Variants in GGPS1 observed in about 807,000 individuals in gnomAD.
The protein encoded by GGPS1 is geranylgeranyl pyrophosphate synthase.
In GGPS1, 15 loss-of-function variants were observed where a neutral mutation model predicts 28.1. That is an observed-to-expected ratio of 0.53 (90% CI 0.36 to 0.82). The LOEUF is 0.82. GGPS1 is among the 40% of genes least tolerant of loss of function. The pLI is 0.01. For missense variants in GGPS1, 284 were observed against 348.3 expected, an observed-to-expected ratio of 0.82 and a Z score of 1.47; for synonymous variants, 138 against 122.4, an observed-to-expected ratio of 1.13 and a Z score of -0.84.
chr1:235,340,363 G>A (rs566340695), intron 2 of GGPS1, among the ~76,000 whole-genome samples: 2 of 151,900 alleles, frequency 1.3e-5, no homozygotes, highest in African/African-American at 2.4e-5. Flanking sequence ...CCAGCTACTC[G>A]GGAGGCTGAG....
Position 235,342,550 on chromosome 1 carries a change from C to T in GGPS1, c.681C>T (p.Ser227=). Residue 227 remains serine, a synonymous_variant, in exon 4 of 4, where the codon AGC becomes AGT. Coordinates refer to ENST00000282841, the MANE Select transcript of GGPS1 (RefSeq NM_004837.4). ...ATGCTATTTGGTCAAGGCCTGAAAG[C>T]ACCCAGGTGCAGAATATCTTGCGCC... ...TIHAIWSRPE[S]TQVQNILRQR... 3 of 1,611,478 alleles carry T rather than the reference C, an allele frequency of 1.9e-6. No homozygotes were observed. The highest frequency in any genetic ancestry group is 1.1e-5 in the South Asian group (1 of 91,034).
intron 2 of GGPS1, among the ~76,000 whole-genome samples, chr1:235,335,586 G>A (rs1044356706): frequency 1.3e-5 from 2 of 152,060 alleles, no homozygotes; most frequent in Non-Finnish European, 2.9e-5. Context: ...TTGAGCCCAG[G>A]AGTTTAAGGC....
At chr1:235,340,307 T>C (rs1034995021) in intron 2 of GGPS1, among the ~76,000 whole-genome samples, 2 of 151,896 alleles carry the variant, frequency 1.3e-5, no homozygotes, top group African/African-American at 4.8e-5. Context: ...ACACTGTCTC[T>C]ACAAAAACAA....
chr1:235,328,394 G>C (rs1194620910), upstream of GGPS1: 3 of 152,254 alleles, frequency 2.0e-5, no homozygotes, highest in Admixed American at 6.5e-5. Flanking sequence ...AGAAAGTTAC[G>C]CCTCAAGGCT....
chr1:235,336,774 A>G (rs183199445), intron 2 of GGPS1: 67 of 152,474 alleles, frequency 4.4e-4, no homozygotes, highest in African/African-American at 1.5e-3. Flanking sequence ...TCCGTGCTAA[A>G]GTACACACCT....
intron 1 of GGPS1, chr1:235,329,540 A>C (rs1036520585): frequency 1.3e-5 from 2 of 152,326 alleles, no homozygotes; most frequent in Non-Finnish European, 2.9e-5. Context: ...AAGGGCTAGC[A>C]GGAGTTAACT....
chr1:235,342,477 G>C lies in GGPS1; in HGVS notation c.608G>C (p.Ser203Thr). ...TCCAAAGAATATAGTGAAAACAAAA[G>C]TTTTTGTGAAGATCTGACAGAGGGA... The part of the protein sequence containing the change: ...LHSKEYSENK[S>T]FCEDLTEGKF... Residue 203 changes from serine (S) to threonine (T), a missense_variant, in exon 4 of 4, where the codon AGT becomes ACT. By Grantham distance (58) the Ser-to-Thr change is moderately conservative. Coordinates refer to ENST00000282841, the MANE Select transcript of GGPS1 (RefSeq NM_004837.4). The C allele has an allele frequency of 1.2e-6, 2 of 1,613,650 alleles. No homozygotes were observed. The highest frequency in any genetic ancestry group is 1.7e-6 in the Non-Finnish European group (2 of 1,179,808).
intron 2 of GGPS1, among the ~76,000 whole-genome samples, chr1:235,337,387 TATTTAAA>T (rs1305648861): frequency 1.3e-5 from 2 of 151,956 alleles, no homozygotes; most frequent in Non-Finnish European, 2.9e-5. Flanking sequence ...TTAGATAACA[TATTTAAA>T]ATTATCACTA....
In GGPS1 at chr1:235,342,497, G is replaced by T. The variant is rs1276754959; in HGVS notation, c.628G>T (p.Glu210Ter). 1 of 1,613,712 alleles carries T rather than the reference G, an allele frequency of 6.2e-7. No homozygotes were observed. The highest frequency in any genetic ancestry group is 8.5e-7 in the Non-Finnish European group (1 of 1,179,820). Reference protein sequence around the residue: ...ENKSFCEDLTEGKFSFPTIHA... With the variant: ...ENKSFCEDLT Reference sequence around the variant, plus strand: ...CAAAAGTTTTTGTGAAGATCTGACAGAGGGAAAGTTCTCATTTCCTACTAT... The same window carrying T: ...CAAAAGTTTTTGTGAAGATCTGACATAGGGAAAGTTCTCATTTCCTACTAT... The change falls in exon 4 of 4, where the codon GAG becomes TAG. Residue 210 changes from glutamate (E) to a stop codon, truncating the protein, a stop_gained. Transcript: ENST00000282841. LOFTEE classifies it high-confidence loss of function.
chr1:235,335,440 A>G, intron 2 of GGPS1, 106 bp downstream of exon 2: 8 of 582,098 alleles, frequency 1.4e-5, no homozygotes, highest in Middle Eastern at 2.7e-4. Flanking sequence ...GAGATTTTCT[A>G]TTTAAGGTGA....
At chr1:235,337,135 C>T (rs1483419545) in intron 2 of GGPS1, 1 of 156,442 alleles carries the variant, frequency 6.4e-6, no homozygotes, top group East Asian at 1.9e-4. Flanking sequence ...CTCTTACTGC[C>T]AGACATCCTT....
intron 2 of GGPS1, among the ~76,000 whole-genome samples, chr1:235,338,542 A>G (rs1299940153): frequency 1.3e-5 from 2 of 152,286 alleles, no homozygotes; most frequent in East Asian, 1.9e-4. Context: ...GAAATTTCAC[A>G]TTGAGACTCT....
chr1:235,333,599 T>C (rs913574231), intron 1 of GGPS1, among the ~76,000 whole-genome samples: 1 of 150,270 alleles, frequency 6.7e-6, no homozygotes, highest in African/African-American at 2.5e-5. Flanking sequence ...CTTTGAGCAA[T>C]CAGAATAACA....
intron 1 of GGPS1, chr1:235,330,452 T>TCCAGTGGGCACGC (rs1312224653): frequency 6.6e-6 from 1 of 152,160 alleles, no homozygotes; most frequent in Non-Finnish European, 1.5e-5. Context: ...GCCACTGCAC[T>TCCAGTGGGCACGC]CCAGCCTGGG....
At chr1:235,335,449 G>A (rs1675835709) in intron 2 of GGPS1, 115 bp downstream of exon 2, 1 of 551,298 alleles carries the variant, frequency 1.8e-6, no homozygotes, top group African/African-American at 2.0e-5. Flanking sequence ...TATTTAAGGT[G>A]ATGCGTATGA....
At position 235,342,257 on chromosome 1, in the gene GGPS1, A is replaced by G. The variant is rs373913558; in HGVS notation, c.388A>G (p.Ile130Val). Residue 130 changes from isoleucine to valine, a missense_variant, in exon 4 of 4, where the codon ATT (isoleucine) becomes GTT (valine). Ile to Val is a conservative substitution (Grantham distance 29). Coordinates refer to ENST00000282841, the MANE Select transcript of GGPS1 (RefSeq NM_004837.4). ...LELHQGQGLD[I>V]YWRDNYTCPT... ...ACTCCATCAGGGACAAGGCCTAGAT[A>G]TTTACTGGAGGGATAATTACACTTG... 1.9e-6 allele frequency: 3 copies of G among 1,614,014 alleles called. No homozygotes were observed. The highest frequency in any genetic ancestry group is 1.7e-5 in the Admixed American group (1 of 59,986).
At chr1:235,330,765 A>G (rs754031280) in intron 1 of GGPS1, among the ~76,000 whole-genome samples, 2 of 152,250 alleles carry the variant, frequency 1.3e-5, no homozygotes, top group Non-Finnish European at 2.9e-5. Flanking sequence ...AGGTCCTGAC[A>G]CAAAAGGGAA....
intron 2 of GGPS1, among the ~76,000 whole-genome samples, chr1:235,338,673 A>T (rs988151479): frequency 2.0e-5 from 3 of 151,932 alleles, no homozygotes; most frequent in Admixed American, 6.6e-5. Flanking sequence ...GGGGTTTGAG[A>T]CCAGCCTGGG....
chr1:235,330,493 GAC>G (rs888293118), intron 1 of GGPS1: 39 of 152,212 alleles, frequency 2.6e-4, no homozygotes, highest in African/African-American at 8.9e-4. Flanking sequence ...TCAGAAGAAA[GAC>G]ACAAGGCAAG....
Sources: gnomAD v4.1 joint callset for allele counts (sites outside exome capture counted in the v4.1 genomes callset) on GRCh38, gnomAD v4.1.1 for gene constraint, MANE v1.5 for transcripts, NCBI Gene and HGNC (gene_info 2026-07-23, HGNC 2026-07-21) for gene names.